Variants in RHEB observed in about 807,000 individuals in gnomAD.
The protein encoded by RHEB is Ras homolog, mTORC1 binding.
RHEB carries 2 observed loss-of-function variants against 28.8 expected under a neutral mutation model. The ratio of observed to expected loss-of-function variants is 0.07; its 90% CI spans 0.03 to 0.22. RHEB has a LOEUF of 0.22. RHEB is among the 10% of genes least tolerant of loss of function. The pLI is 1.00. For missense variants in RHEB, 76 were observed against 219.9 expected, an observed-to-expected ratio of 0.35 and a Z score of 4.14; for synonymous variants, 69 against 77.3, an observed-to-expected ratio of 0.89 and a Z score of 0.56.
intron 1 of RHEB, among the ~76,000 whole-genome samples, chr7:151,511,808 G>A (rs1383555573): frequency 2.0e-5 from 3 of 151,868 alleles, no homozygotes; most frequent in Non-Finnish European, 1.5e-5. Context: ...CCACCACCAC[G>A]CCCAGCTAAT....
At chr7:151,491,194 T>C (rs1332477397) in intron 1 of RHEB, among the ~76,000 whole-genome samples, 180 bp from the exon 2 acceptor site, 1 of 152,234 alleles carries the variant, frequency 6.6e-6, no homozygotes, top group Non-Finnish European at 1.5e-5. Context: ...ATTAATTTGC[T>C]TTATATGAGG....
At chr7:151,498,165 T>A in intron 1 of RHEB, 1 of 1,289,662 alleles carries the variant, frequency 7.8e-7, no homozygotes, top group Non-Finnish European at 1.0e-6. Flanking sequence ...GGTGCGTAGG[T>A]CCTGGCTTGA....
At chr7:151,486,162 G>A (rs1802470293) in intron 2 of RHEB, among the ~76,000 whole-genome samples, 1 of 152,204 alleles carries the variant, frequency 6.6e-6, no homozygotes, top group Admixed American at 6.5e-5. Flanking sequence ...AAAACCTTCA[G>A]TCACGTGAGA....
chr7:151,491,881 G>A (rs528206979), intron 1 of RHEB, among the ~76,000 whole-genome samples: 14 of 152,082 alleles, frequency 9.2e-5, no homozygotes, highest in African/African-American at 1.4e-4. Context: ...TCACAAAATC[G>A]CCAATAATTG....
intron 7 of RHEB, 60 bp downstream of exon 7, chr7:151,470,511 G>GAAC (rs1404795107): frequency 3.0e-5 from 36 of 1,185,428 alleles, no homozygotes; most frequent in Non-Finnish European, 4.4e-5. Flanking sequence ...CAACTGCAAG[G>GAAC]AACACATCCC....
intron 1 of RHEB, among the ~76,000 whole-genome samples, chr7:151,500,326 TAAG>T (rs892979016): frequency 6.6e-6 from 1 of 151,784 alleles, no homozygotes; most frequent in Non-Finnish European, 1.5e-5. Flanking sequence ...AAGAAAAAAA[TAAG>T]AAAACCTTAA....
At chr7:151,502,985 G>T (rs113450502) in intron 1 of RHEB, 2 of 783,628 alleles carry the variant, frequency 2.6e-6, no homozygotes, top group African/African-American at 1.7e-5. Flanking sequence ...AGTCCTCTCC[G>T]AAGTGAAATT....
intron 1 of RHEB, 87 bp from the exon 2 acceptor site, chr7:151,491,101 A>T: frequency 1.2e-6 from 1 of 844,146 alleles, no homozygotes; most frequent in Non-Finnish European, 1.9e-6. Flanking sequence ...AACCATTAAT[A>T]GATGAAGACA....
rs1243427028 is a variant in RHEB, at chr7:151,490,925, C to T, written c.124+18G>A. 1.9e-6 allele frequency: 3 copies of T among 1,589,020 alleles called. No homozygotes were observed. The highest frequency in any genetic ancestry group is 2.6e-6 in the Non-Finnish European group (3 of 1,157,268). On this transcript the variant is annotated intron_variant, in intron 2 of 7. Coordinates refer to ENST00000262187, the MANE Select transcript of RHEB (RefSeq NM_005614.4). Reference sequence around the variant, plus strand: ...AAGAAGGCTTCTCAGTTTTTAAGTACTTGAAAACAATACTTACTGTTTTCT... The same window carrying T: ...AAGAAGGCTTCTCAGTTTTTAAGTATTTGAAAACAATACTTACTGTTTTCT...
chr7:151,519,639 T>G lies in RHEB; in HGVS notation c.-128A>C, dbSNP rs944808454. ...GAGCAGGGGCGGCGGCGGGCGCGGC[T>G]GCCTCTCGCTCGCTAGCTCGCGCGC... On this transcript the variant is annotated 5_prime_UTR_variant, in exon 1 of 8. Transcript: ENST00000262187. The G allele has an allele frequency of 5.1e-6, 4 of 778,626 alleles. No individual in the cohort carries two copies. The highest frequency in any genetic ancestry group is 5.3e-6 in the Non-Finnish European group (3 of 565,728). 48.2% of individuals were successfully genotyped at this position (778,626 alleles called of 1,614,324 possible).
At chr7:151,507,514 C>T (rs1218180260) in intron 1 of RHEB, among the ~76,000 whole-genome samples, 1 of 152,120 alleles carries the variant, frequency 6.6e-6, no homozygotes, top group African/African-American at 2.4e-5. Flanking sequence ...TGATGCAGAA[C>T]ATACACATCT....
At chr7:151,498,448 C>G (rs76857464) in intron 1 of RHEB, among the ~76,000 whole-genome samples, 4 of 151,994 alleles carry the variant, frequency 2.6e-5, no homozygotes. Flanking sequence ...GAGACCCCCC[C>G]AGTCTCTATA....
intron 1 of RHEB, among the ~76,000 whole-genome samples, chr7:151,492,127 T>C (rs1802593255): frequency 6.6e-6 from 1 of 152,214 alleles, no homozygotes; most frequent in Non-Finnish European, 1.5e-5. Flanking sequence ...ATGCTGTATA[T>C]GCCTGGCATA....
At chr7:151,502,798 A>G (rs1009499018) in intron 1 of RHEB, 41 of 1,399,246 alleles carry the variant, frequency 2.9e-5, no homozygotes, top group Non-Finnish European at 4.2e-5. Context: ...ACTGCTGTGC[A>G]GCTATTTCTG....
intron 1 of RHEB, among the ~76,000 whole-genome samples, chr7:151,498,799 T>C (rs1204038977): frequency 3.4e-5 from 5 of 149,018 alleles, no homozygotes; most frequent in African/African-American, 5.2e-5. Flanking sequence ...ATCCCTTTTG[T>C]AGAATAAGAT....
At chr7:151,514,498 A>T (rs1803042477) in intron 1 of RHEB, among the ~76,000 whole-genome samples, 2 of 152,320 alleles carry the variant, frequency 1.3e-5, no homozygotes, top group South Asian at 4.1e-4. Context: ...GGATGGCTAA[A>T]ATGAAAAAGG....
In RHEB at chr7:151,472,463, GC is replaced by G. The variant is rs1365636343; in HGVS notation, c.276-859del. On this transcript the variant is annotated intron_variant, in intron 4 of 7. Transcript: ENST00000262187. This position sits in a 1 kb window ranked among gnomAD's most constrained non-coding sequence, Gnocchi z 5.2. ...ACTCGGCCCCAGTGACTCTCAAGCC[GC>G]AAACTTCTGACCTCGTGATCCGCCT... Among the ~76,000 whole-genome samples, 5 of 152,104 alleles carry G rather than the reference GC, an allele frequency of 3.3e-5. No homozygotes were observed. Among genetic ancestry groups the G allele is most frequent in the Non-Finnish European group, 7.3e-5 (5 of 68,028 alleles).
chr7:151,501,538 G>A (rs968358129), intron 1 of RHEB, among the ~76,000 whole-genome samples: 1 of 152,188 alleles, frequency 6.6e-6, no homozygotes, highest in Non-Finnish European at 1.5e-5. Flanking sequence ...AAGTTCAGCA[G>A]CTTCTGAAAA....
At chr7:151,499,370 AAGGACAGGAAAGGAAAGGGCAGGAC>A (rs1295920860) in intron 1 of RHEB, among the ~76,000 whole-genome samples, 3 of 152,222 alleles carry the variant, frequency 2.0e-5, no homozygotes, top group African/African-American at 4.8e-5. Context: ...AACGAAAAGA[AAGGACAGGAAAGGAAAGGGCAGGAC>A]AGGACAGGAA....
Sources: allele counts gnomAD v4.1 joint callset (sites outside exome capture counted in the v4.1 genomes callset), GRCh38; gene constraint gnomAD v4.1.1; non-coding constraint Gnocchi (gnomAD v3.1); transcripts MANE v1.5; gene names NCBI Gene and HGNC (gene_info 2026-07-23, HGNC 2026-07-21).